The following ARHGAP27 variants were observed in gnomAD, a reference collection of about 807,000 sequenced individuals.
ARHGAP27 encodes Rho GTPase activating protein 27, also known as rho GTPase-activating protein 27.
Under a neutral mutation model 102.0 loss-of-function variants are expected in ARHGAP27, and 53 were observed. That is an observed-to-expected ratio of 0.52 (90% CI 0.42 to 0.65). The LOEUF is 0.65. Among genes scored for constraint, ARHGAP27 ranks in the 30% least tolerant of loss-of-function variants. The probability of loss-of-function intolerance (pLI) is 0.00; values close to 1 mark genes in which losing one functional copy is unlikely to be tolerated. For missense variants in ARHGAP27, 1,117 were observed against 1,256.2 expected (o/e 0.89, Z 1.68); for synonymous variants, 525 against 542.8 (o/e 0.97, Z 0.46).
chr17:45,417,417 T>C (rs1339773107), intron 4 of ARHGAP27, among the ~76,000 whole-genome samples: 1 of 151,424 alleles, frequency 6.6e-6, no homozygotes, highest in East Asian at 2.0e-4. Context: ...TAAGACAAGA[T>C]TGTGCCATTG....
intron 4 of ARHGAP27, among the ~76,000 whole-genome samples, chr17:45,412,243 C>T (rs983931005): frequency 1.3e-5 from 2 of 152,254 alleles, no homozygotes; most frequent in African/African-American, 4.8e-5. Flanking sequence ...GGCCCTGTCT[C>T]GGATTCCCTC....
chr17:45,416,676 T>G (rs2048491778), intron 4 of ARHGAP27, among the ~76,000 whole-genome samples: 1 of 150,954 alleles, frequency 6.6e-6, no homozygotes, highest in South Asian at 2.1e-4. Flanking sequence ...GCCTCCAGAG[T>G]AGCTGGGATC....
Position 45,396,768 on chromosome 17 carries a change from C to T in ARHGAP27, c.1974G>A (p.Val658=), listed in dbSNP as rs776537416. Residue 658 remains valine, a synonymous_variant, in exon 15 of 20, where the codon GTG becomes GTA. Transcript: ENST00000685559. The stretch of plus-strand genomic sequence containing the variant: ...CCTTGCTCAAGTCGCTCTCCAGGCC[C>T]ACGGGGCCCAGGGCGGGCGCGGCTG... ...PNAAAPALGP[V]GLESDLSKVR... The T allele has an allele frequency of 1.9e-6, 3 of 1,613,108 alleles. No homozygotes were observed. Among genetic ancestry groups the T allele is most frequent in the South Asian group, 1.1e-5 (1 of 90,968 alleles).
chr17:45,429,567 C>A (rs536865774), intron 4 of ARHGAP27, 56 bp downstream of exon 4: 18 of 1,572,974 alleles, frequency 1.1e-5, no homozygotes, highest in East Asian at 2.3e-5. Context: ...CGGCTCCGTG[C>A]GGGCGCGGTC....
intron 4 of ARHGAP27, among the ~76,000 whole-genome samples, chr17:45,417,715 C>T (rs1034584758): frequency 6.6e-6 from 1 of 150,614 alleles, no homozygotes; most frequent in African/African-American, 2.5e-5. Context: ...GATTGTGCCA[C>T]AGCCCTCCAG....
intron 5 of ARHGAP27, 77 bp from the exon 6 acceptor site, chr17:45,405,183 C>A: frequency 6.9e-7 from 1 of 1,457,256 alleles, no homozygotes; most frequent in Non-Finnish European, 9.2e-7. Context: ...TGGACCAGGC[C>A]CACCCCCTTG....
chr17:45,428,102 G>C (rs1050698980), intron 4 of ARHGAP27, among the ~76,000 whole-genome samples: 5 of 152,238 alleles, frequency 3.3e-5, no homozygotes, highest in African/African-American at 1.2e-4. Flanking sequence ...CCAGATGCGA[G>C]GTTCAAAGAG....
intron 4 of ARHGAP27, among the ~76,000 whole-genome samples, chr17:45,426,439 A>G (rs1194566219): frequency 6.6e-6 from 1 of 152,108 alleles, no homozygotes; most frequent in Non-Finnish European, 1.5e-5. Flanking sequence ...ATTAGAGTGC[A>G]TGGGGAGTGA....
chr17:45,405,180 G>A, intron 5 of ARHGAP27, 74 bp from the exon 6 acceptor site: 3 of 1,468,916 alleles, frequency 2.0e-6, no homozygotes, highest in Non-Finnish European at 2.7e-6. Context: ...TTTTGGACCA[G>A]GCCCACCCCC....
Position 45,427,592 on chromosome 17 carries a change from CT to C in ARHGAP27, c.657+2030del, listed in dbSNP as rs2049744207. On this transcript the variant is annotated intron_variant, in intron 4 of 19. Transcript: ENST00000685559. This position sits in a 1 kb window ranked among gnomAD's most constrained non-coding sequence, Gnocchi z 4.5. ...GCGGGGGCAGGGCCAACTCCCTACC[CT>C]GGACTTTGTTGGGGGTGGAGCACCA... Among the ~76,000 whole-genome samples the C allele has an allele frequency of 6.6e-6, 1 of 152,244 alleles. No individual in the cohort carries two copies. The highest frequency in any genetic ancestry group is 1.5e-5 in the Non-Finnish European group (1 of 68,036).
rs1312062904 is a variant in ARHGAP27 at position 45,429,643 on chromosome 17, G to A, written c.637C>T (p.Pro213Ser). 1 of 1,580,382 alleles carries A rather than the reference G, an allele frequency of 6.3e-7. No individual in the cohort carries two copies. Among genetic ancestry groups the A allele is most frequent in the Non-Finnish European group, 8.6e-7 (1 of 1,163,038 alleles). ...EVIQDLHVPP[P>S]EESAEQVDDP... ...GGTACCTGCTCTGCGCTCTCCTCCG[G>A]CGGCGGGACGTGCAAGTCCTGGATG... Residue 213 changes from proline (P) to serine (S), a missense_variant, in exon 4 of 20, where the codon CCG becomes TCG. Transcript: ENST00000685559.
At chr17:45,408,998 C>T (rs943545809) in intron 4 of ARHGAP27, 1 of 152,304 alleles carries the variant, frequency 6.6e-6, no homozygotes, top group Non-Finnish European at 1.5e-5. Context: ...TGCTTGTGTA[C>T]ACAAGTCTAA....
chr17:45,418,916 T>C (rs1040229325), intron 4 of ARHGAP27, among the ~76,000 whole-genome samples: 21 of 152,174 alleles, frequency 1.4e-4, no homozygotes, highest in African/African-American at 5.1e-4. Context: ...CTGCTGGTGT[T>C]TTGACATCAC....
intron 11 of ARHGAP27, 137 bp downstream of exon 11, chr17:45,403,482 G>A (rs1230100): frequency 7.4e-6 from 5 of 671,724 alleles, no homozygotes; most frequent in Non-Finnish European, 1.0e-5. Context: ...ACTCAGGAGG[G>A]AGAGGTTGCA....
At chr17:45,396,376 G>A (rs777985349) in intron 16 of ARHGAP27, 92 bp from the exon 17 acceptor site, 104 of 1,473,396 alleles carry the variant, frequency 7.1e-5, no homozygotes, top group Non-Finnish European at 8.9e-5. Context: ...GGGGCCTCCC[G>A]TACTTTCCCC....
At position 45,395,945 on chromosome 17, in the gene ARHGAP27, C is replaced by A. The variant is rs1331545105; in HGVS notation, c.2386+38G>T. Reference sequence around the variant, plus strand: ...CCTGCTAAAGGGGTGCCCCGCCACGCCCCTACCCCATCCGCCCCACCTGCC... The same window carrying A: ...CCTGCTAAAGGGGTGCCCCGCCACGACCCTACCCCATCCGCCCCACCTGCC... On this transcript the variant is annotated intron_variant, in intron 18 of 19. Coordinates refer to ENST00000685559, the MANE Select transcript of ARHGAP27 (RefSeq NM_001282290.2). 4 of 1,588,632 alleles carry A rather than the reference C, an allele frequency of 2.5e-6. No homozygotes were observed. The African/African-American group carries it at 4.0e-5, about 16-fold the overall frequency.
At position 45,397,781 on chromosome 17, in the gene ARHGAP27, T is replaced by C. The variant is rs553738825; in HGVS notation, c.1842+168A>G. 494 of 506,758 alleles carry C rather than the reference T, an allele frequency of 9.7e-4. 4 individuals carry two copies. Among genetic ancestry groups the C allele is most frequent in the African/African-American group, 8.3e-3 (436 of 52,418 alleles). 31.4% of individuals were successfully genotyped at this position (506,758 alleles called of 1,614,324 possible). On this transcript the variant is annotated intron_variant, in intron 13 of 19. Transcript: ENST00000685559. ...AACCCCAGGGCTGGATTCACAGACTTACAGAAGGCAGTTTCTTCAGCCGCC... is the reference window on the plus strand; with the variant it reads ...AACCCCAGGGCTGGATTCACAGACTCACAGAAGGCAGTTTCTTCAGCCGCC...
chr17:45,399,540 C>T (rs767655888), intron 12 of ARHGAP27, among the ~76,000 whole-genome samples: 3 of 144,974 alleles, frequency 2.1e-5, no homozygotes, highest in Non-Finnish European at 3.0e-5. Context: ...TGCAGTGAGC[C>T]GAGATCGCAC....
chr17:45,425,515 G>T, intron 4 of ARHGAP27: 1 of 971,614 alleles, frequency 1.0e-6, no homozygotes, highest in Non-Finnish European at 1.2e-6. Context: ...GGGAGAGATT[G>T]GGGAAACTGC....
Sources: gnomAD v4.1 joint callset for allele counts (sites outside exome capture counted in the v4.1 genomes callset) on GRCh38, gnomAD v4.1.1 for gene constraint, Gnocchi (gnomAD v3.1) non-coding constraint, MANE v1.5 for transcripts, NCBI Gene and HGNC (gene_info 2026-07-23, HGNC 2026-07-21) for gene names.